The following NOX4 variants were observed in gnomAD, a reference collection of about 807,000 sequenced individuals.
NOX4 encodes the protein NADPH oxidase 4.
In NOX4, 69 loss-of-function variants were observed where a neutral mutation model predicts 87.6. The observed-to-expected ratio is 0.79, with a 90% confidence interval of 0.65 to 0.96. The LOEUF is 0.96. Among genes scored for constraint, NOX4 ranks in the 40% least tolerant of loss-of-function variants. The probability of loss-of-function intolerance (pLI) is 0.00; values close to 1 mark genes in which losing one functional copy is unlikely to be tolerated. For missense variants in NOX4, 680 were observed against 681.5 expected (o/e 1.00, Z 0.02); for synonymous variants, 275 against 238.2 (o/e 1.15, Z -1.42).
chr11:89,558,149 T>G, the NOX4 span, among the ~76,000 whole-genome samples: 1 of 152,034 alleles, frequency 6.6e-6, no homozygotes, highest in African/African-American at 2.4e-5. Context: ...TTTTTACTTA[T>G]GCAAAAGAGT....
upstream of NOX4, among the ~76,000 whole-genome samples, chr11:89,491,767 A>ACACAC (rs879755481): frequency 8.2e-3 from 936 of 114,610 alleles, 8 homozygotes; most frequent in East Asian, 0.025. Context: ...CACACACACA[A>ACACAC]GAAGACACAG....
chr11:89,457,817 C>A (rs1945273075), intron 2 of NOX4, among the ~76,000 whole-genome samples: 1 of 152,040 alleles, frequency 6.6e-6, no homozygotes, highest in Non-Finnish European at 1.5e-5. Context: ...ATATCCACAA[C>A]AATAATAAAA....
intron 6 of NOX4, among the ~76,000 whole-genome samples, chr11:89,437,625 A>C (rs1203342593): frequency 6.6e-6 from 1 of 152,110 alleles, no homozygotes; most frequent in Non-Finnish European, 1.5e-5. Context: ...TGGGTGAGTC[A>C]AATTGTTTTT....
intron 11 of NOX4, among the ~76,000 whole-genome samples, chr11:89,384,195 T>TCCCTCCACAAC (rs1940515230): frequency 6.6e-6 from 1 of 152,054 alleles, no homozygotes. Context: ...CTGCAATACC[T>TCCCTCCACAAC]CCCTCCACAA....
At chr11:89,516,974 T>C in the NOX4 span, among the ~76,000 whole-genome samples, 1 of 133,574 alleles carries the variant, frequency 7.5e-6, no homozygotes, top group African/African-American at 3.0e-5. Flanking sequence ...TCCTCCTCTC[T>C]TCCTCCTCCT....
At chr11:89,445,498 A>G (rs989683041) in intron 4 of NOX4, among the ~76,000 whole-genome samples, 9 of 152,164 alleles carry the variant, frequency 5.9e-5, no homozygotes, top group African/African-American at 1.7e-4. Flanking sequence ...TCAAGAATGT[A>G]TGGTATTAGC....
chr11:89,544,221 G>A, the NOX4 span, among the ~76,000 whole-genome samples: 1 of 151,934 alleles, frequency 6.6e-6, no homozygotes, highest in Non-Finnish European at 1.5e-5. Flanking sequence ...TGAAATCTCT[G>A]CTTAAATGTT....
At chr11:89,366,700 GAA>G (rs11314993) in intron 12 of NOX4, among the ~76,000 whole-genome samples, 4,005 of 113,078 alleles carry the variant, frequency 0.035, 174 homozygotes, top group African/African-American at 0.11. Context: ...AAACTGAAAA[GAA>G]AAAAAAAAAA....
At chr11:89,524,966 C>T in the NOX4 span, among the ~76,000 whole-genome samples, 3 of 152,098 alleles carry the variant, frequency 2.0e-5, no homozygotes, top group Admixed American at 6.5e-5. Flanking sequence ...ATGTGTATAG[C>T]TTCTTTCATT....
chr11:89,581,113 G>A, the NOX4 span, among the ~76,000 whole-genome samples: 1 of 152,178 alleles, frequency 6.6e-6, no homozygotes, highest in Non-Finnish European at 1.5e-5. Context: ...ACAAGAATCT[G>A]AGTATGAAGT....
chr11:89,569,069 G>A, the NOX4 span, among the ~76,000 whole-genome samples: 1 of 151,770 alleles, frequency 6.6e-6, no homozygotes, highest in Non-Finnish European at 1.5e-5. Context: ...CTCATCTTGA[G>A]GGCTAAAGAC....
At chr11:89,450,184 C>G (rs1275263224) in intron 3 of NOX4, among the ~76,000 whole-genome samples, 1 of 152,140 alleles carries the variant, frequency 6.6e-6, no homozygotes, top group Admixed American at 6.6e-5. Context: ...TAGCCAACCA[C>G]AGGGATCAAA....
chr11:89,400,613 G>A (rs190924314), intron 9 of NOX4, among the ~76,000 whole-genome samples: 1 of 151,880 alleles, frequency 6.6e-6, no homozygotes, highest in East Asian at 1.9e-4. Flanking sequence ...TCATGCCCTG[G>A]GTGTAACTAT....
chr11:89,371,906 G>T (rs1189340671), intron 12 of NOX4, among the ~76,000 whole-genome samples: 1 of 151,698 alleles, frequency 6.6e-6, no homozygotes, highest in Non-Finnish European at 1.5e-5. Context: ...TAAATCCTAT[G>T]TTGCAGATTT....
chr11:89,536,733 T>C, the NOX4 span, among the ~76,000 whole-genome samples: 1 of 152,188 alleles, frequency 6.6e-6, no homozygotes, highest in Non-Finnish European at 1.5e-5. Flanking sequence ...GCTATGGTTA[T>C]GGTTATGATT....
chr11:89,529,989 C>G, the NOX4 span, among the ~76,000 whole-genome samples: 1 of 151,958 alleles, frequency 6.6e-6, no homozygotes, highest in Admixed American at 6.6e-5. Flanking sequence ...ACTGTAATGG[C>G]AAATATCAGT....
At position 89,355,057 on chromosome 11, in the gene NOX4, A is replaced by G. The variant is rs377621721; in HGVS notation, c.1136-14T>C. 10 of 1,533,484 alleles carry G rather than the reference A, an allele frequency of 6.5e-6. No individual in the cohort carries two copies. The African/African-American group carries it at 1.4e-4, about 21-fold the overall frequency. 95.0% of individuals were successfully genotyped at this position (1,533,484 alleles called of 1,614,324 possible). On this transcript the variant is annotated splice_polypyrimidine_tract_variant and intron_variant, in intron 12 of 17. Coordinates refer to ENST00000263317, the MANE Select transcript of NOX4 (RefSeq NM_016931.5). ...CTCGAAATCGTTCTGTCAAAAGAAA[A>G]ATAAACATCAAGCTGTGAAAAGATA...
intron 6 of NOX4, among the ~76,000 whole-genome samples, chr11:89,437,615 T>A (rs1944144275): frequency 1.3e-5 from 2 of 152,074 alleles, no homozygotes; most frequent in South Asian, 4.1e-4. Context: ...TTTGCTGAAT[T>A]GGGTGAGTCA....
chr11:89,468,855 C>T (rs1945811467), intron 2 of NOX4, among the ~76,000 whole-genome samples: 1 of 152,106 alleles, frequency 6.6e-6, no homozygotes, highest in Non-Finnish European at 1.5e-5. Flanking sequence ...GCTGATTCTC[C>T]CACCTCAGCC....
Sources: gnomAD v4.1 joint callset for allele counts (sites outside exome capture counted in the v4.1 genomes callset) on GRCh38, gnomAD v4.1.1 for gene constraint, MANE v1.5 for transcripts, NCBI Gene and HGNC (gene_info 2026-07-23, HGNC 2026-07-21) for gene names.